The following CFAP74 variants were observed in gnomAD, a reference collection of about 807,000 sequenced individuals.
CFAP74 encodes cilia- and flagella-associated protein 74.
A neutral mutation model predicts 188.9 loss-of-function variants in CFAP74; 124 were observed. The ratio of observed to expected loss-of-function variants is 0.66; its 90% CI spans 0.57 to 0.76. CFAP74 has a LOEUF of 0.76. CFAP74 is among the 30% of genes least tolerant of loss of function. The pLI, the probability that CFAP74 is intolerant of heterozygous loss-of-function variation, is 0.00. For synonymous variants in CFAP74, 956 were observed against 916.7 expected, an observed-to-expected ratio of 1.04 and a Z score of -0.77; for missense variants, 2,198 against 2,165.2, an observed-to-expected ratio of 1.02 and a Z score of -0.30.
chr1:1,966,792 G>A lies in CFAP74; in HGVS notation c.1246-266C>T, dbSNP rs114835493. On this transcript the variant is annotated intron_variant, in intron 11 of 38. Coordinates refer to ENST00000682832, the MANE Select transcript of CFAP74 (RefSeq NM_001304360.2). ...TTGATAGGAAAATGTTCTAATTCAC[G>A]GACTGGCATCCTTGGCGCCGATCCT... Among the ~76,000 whole-genome samples the A allele has an allele frequency of 7.1e-3, 1,084 of 151,690 alleles. 7 individuals are homozygous for A. The highest frequency in any genetic ancestry group is 0.025 in the African/African-American group (1,033 of 41,316).
chr1:1,928,687 A>T, intron 27 of CFAP74, 97 bp downstream of exon 27: 1 of 839,458 alleles, frequency 1.2e-6, no homozygotes, highest in Admixed American at 2.3e-5. Flanking sequence ...TGCTCCCGGC[A>T]CGTGGCCGGA....
intron 6 of CFAP74, among the ~76,000 whole-genome samples, chr1:1,977,702 C>G (rs72894797): frequency 6.6e-6 from 1 of 152,182 alleles, no homozygotes; most frequent in Non-Finnish European, 1.5e-5. Context: ...CTCACCCACC[C>G]ACTGCAGGCG....
At chr1:1,995,382 C>T (rs538623504) in intron 1 of CFAP74, among the ~76,000 whole-genome samples, 3 of 151,734 alleles carry the variant, frequency 2.0e-5, no homozygotes, top group South Asian at 2.1e-4. Flanking sequence ...ATCCCAGCTA[C>T]TTAGGAGGCT....
rs750092290 is a variant in CFAP74, at chr1:1,955,561, C to A, written c.2176+130G>T. On this transcript the variant is annotated intron_variant, in intron 18 of 38. Coordinates refer to ENST00000682832, the MANE Select transcript of CFAP74 (RefSeq NM_001304360.2). ...TAAGAATATTTTCTTGCTTAACCGT[C>A]ACTTAACATCGAAGGCCTAGGAAAA... 6 of 1,611,602 alleles carry A rather than the reference C, an allele frequency of 3.7e-6. No individual in the cohort carries two copies. The African/African-American group carries it at 6.7e-5, about 18-fold the overall frequency.
chr1:1,925,271 CGAGGGCACACGCTGGTGCAAAGGCAT>C (rs1173848844), intron 33 of CFAP74, among the ~76,000 whole-genome samples: 1,432 of 115,612 alleles, frequency 0.012, 33 homozygotes, highest in African/African-American at 0.047. Context: ...CGCGAAGGCA[CGAGGGCACACGCTGGTGCAAAGGCAT>C]GAGGGCACAC....
intron 1 of CFAP74, among the ~76,000 whole-genome samples, chr1:1,993,905 C>T (rs1408093407): frequency 3.3e-5 from 5 of 150,838 alleles, no homozygotes; most frequent in Non-Finnish European, 7.4e-5. Flanking sequence ...TGGCGTGAAC[C>T]CGGGAGGCGG....
rs756597128 is a variant in CFAP74, at chr1:1,985,484, A to G, written c.402T>C (p.Ala134=). 8.7e-6 allele frequency: 14 copies of G among 1,613,482 alleles called. No homozygotes were observed. The highest frequency in any genetic ancestry group is 1.2e-5 in the Non-Finnish European group (14 of 1,179,892). The stretch of plus-strand genomic sequence containing the variant: ...TGGACACGGCCTGGAGGCGGCCCAC[A>G]GCGGCCCTGCAGTGGTGAACGGACA... The part of the protein sequence containing the change: ...ATEEEAGNMA[A]VGRLQAVSRR... Residue 134 remains alanine, a synonymous_variant, in exon 6 of 39, where the codon GCT becomes GCC. Transcript: ENST00000682832.
Position 1,926,658 on chromosome 1 carries a change from C to T in CFAP74, c.3766G>A (p.Ala1256Thr), listed in dbSNP as rs781247568. ...GKTIFNFGDV[A>T]VGHRSIKKIS... is the part of the protein sequence containing the mutation. The stretch of plus-strand genomic sequence containing the variant: ...GCGGGGCTTAGCGTCTCACCCACAG[C>T]GACGTCGCCGAAGTTAAAGATGGTC... Residue 1256 changes from alanine to threonine, a missense_variant, in exon 30 of 39, where the codon GCT becomes ACT. Physicochemically the swap from Ala to Thr is moderately conservative, Grantham distance 58. Coordinates refer to ENST00000682832, the MANE Select transcript of CFAP74 (RefSeq NM_001304360.2). 1.3e-4 allele frequency: 206 copies of T among 1,549,724 alleles called. No homozygotes were observed. The highest frequency in any genetic ancestry group is 1.6e-4 in the Non-Finnish European group (180 of 1,146,598).
Position 1,940,327 on chromosome 1 carries a change from C to T in CFAP74, c.2692G>A (p.Val898Ile). 2 of 1,535,806 alleles carry T rather than the reference C, an allele frequency of 1.3e-6. No individual in the cohort carries two copies. The highest frequency in any genetic ancestry group is 1.2e-5 in the South Asian group (1 of 84,048). Residue 898 changes from valine (V) to isoleucine (I), a missense_variant, in exon 23 of 39, where the codon GTT becomes ATT. Coordinates refer to ENST00000682832, the MANE Select transcript of CFAP74 (RefSeq NM_001304360.2). ...RVLEAPMTIW[V>I]ADQNKPVGFT... ...GCCCCAACACAGACCTGGTCGGCAA[C>T]CCATATGGTCATCGGGGCCTCCAGG...
chr1:1,938,939 T>C lies in CFAP74; in HGVS notation c.2927A>G (p.Glu976Gly). ...NDGFGTILPL[E>G]TLQFCVIFQP... ...GAAGATCACACAGAACTGCAGCGTT[T>C]CCAGGGGCAGGATCGTCCCAAACCC... Residue 976 changes from glutamate to glycine, a missense_variant, in exon 25 of 39, where the codon GAA becomes GGA. Transcript: ENST00000682832. 6.5e-7 allele frequency: 1 copy of C among 1,536,158 alleles called. No homozygotes were observed. The highest frequency in any genetic ancestry group is 1.2e-5 in the South Asian group (1 of 84,064).
In CFAP74 at chr1:1,971,121, T is replaced by TG. The variant is rs1558042387; in HGVS notation, c.889-306_889-305insC. Reference sequence around the variant, plus strand: ...CCTGCACACGTGTGCACACACATGCTCACACGTGCACACACATGCTCGCAC... The same window carrying TG: ...CCTGCACACGTGTGCACACACATGCTGCACACGTGCACACACATGCTCGCAC... On this transcript the variant is annotated intron_variant, in intron 9 of 38. Coordinates refer to ENST00000682832, the MANE Select transcript of CFAP74 (RefSeq NM_001304360.2). Among the ~76,000 whole-genome samples the TG allele has an allele frequency of 7.1e-4, 88 of 123,310 alleles. 1 individual carries two copies. Among genetic ancestry groups the TG allele is most frequent in the African/African-American group, 2.4e-3 (75 of 30,796 alleles). The allele number at this position is 123,310 out of a possible 152,430, so 80.9% of individuals were successfully genotyped here. A position where few individuals can be genotyped will look rare whatever the true frequency, so the allele number is the denominator to read the frequency against.
chr1:1,977,267 C>T (rs527753474), intron 6 of CFAP74, among the ~76,000 whole-genome samples: 1 of 152,308 alleles, frequency 6.6e-6, no homozygotes, highest in South Asian at 2.1e-4. Context: ...CAGACCACAG[C>T]AGAGGCTGAT....
rs59139552 is a variant in CFAP74, at chr1:1,943,520, C to T, written c.2486+811G>A. ...CTTGGTGCTGGTGGCACAGGGGCTC[C>T]GTCATGGAAACCCCGCAGGCCCAGC... On this transcript the variant is annotated intron_variant, in intron 21 of 38. Coordinates refer to ENST00000682832, the MANE Select transcript of CFAP74 (RefSeq NM_001304360.2). 7.9e-3 allele frequency among the ~76,000 whole-genome samples: 1,208 copies of T among 152,342 alleles called. 20 individuals are homozygous for T. Among genetic ancestry groups the T allele is most frequent in the African/African-American group, 0.027 (1,142 of 41,572 alleles).
rs181288924 is a variant in CFAP74, at chr1:1,975,362, T to G, written c.501-1164A>C. ...CAAGGATTTCTAACGTTGAGCCTTTTTCGGGGCTCCTAGGATATAAACTCC... is the reference window on the plus strand; with the variant it reads ...CAAGGATTTCTAACGTTGAGCCTTTGTCGGGGCTCCTAGGATATAAACTCC... On this transcript the variant is annotated intron_variant, in intron 6 of 38. Transcript: ENST00000682832. The surrounding 1 kb of genome is among the most constrained non-coding windows in gnomAD (Gnocchi z 4.5). Among the ~76,000 whole-genome samples the G allele has an allele frequency of 6.6e-6, 1 of 152,218 alleles. No homozygotes were observed.
chr1:1,965,756 A>G (rs1655424096), intron 12 of CFAP74, among the ~76,000 whole-genome samples: 1 of 152,008 alleles, frequency 6.6e-6, no homozygotes, highest in African/African-American at 2.4e-5. Context: ...TGTCTTGTTC[A>G]CCACCCTGGT....
intron 25 of CFAP74, among the ~76,000 whole-genome samples, chr1:1,934,907 ACG>A (rs1491240531): frequency 1.6e-4 from 21 of 130,976 alleles, no homozygotes; most frequent in African/African-American, 6.3e-4. Context: ...ACACGTGTGT[ACG>A]TGGGTGTTAG....
At chr1:1,959,910 G>T in intron 15 of CFAP74, 54 bp downstream of exon 15, 1 of 1,477,070 alleles carries the variant, frequency 6.8e-7, no homozygotes, top group Non-Finnish European at 9.1e-7. Context: ...CCCGATCACA[G>T]GCTCCACCCA....
In CFAP74 at chr1:1,990,912, G is replaced by C; in HGVS notation, c.45C>G (p.Ala15=). Reference sequence around the variant, plus strand: ...TACCATCTTCCAAAAGAAGGGCATCGGCCAAAAGCTCGTCCTCAGGGAGCA... The same window carrying C: ...TACCATCTTCCAAAAGAAGGGCATCCGCCAAAAGCTCGTCCTCAGGGAGCA... ...GSLLPEDELL[A]DALLLEDERD... Residue 15 remains alanine (A), a synonymous_variant, in exon 2 of 39, where the codon GCC becomes GCG. Coordinates refer to ENST00000682832, the MANE Select transcript of CFAP74 (RefSeq NM_001304360.2). 8 of 1,612,684 alleles carry C rather than the reference G, an allele frequency of 5.0e-6. No homozygotes were observed. The highest frequency in any genetic ancestry group is 6.8e-6 in the Non-Finnish European group (8 of 1,179,664).
chr1:1,985,223 T>TA, intron 6 of CFAP74, 163 bp downstream of exon 6: 1 of 589,610 alleles, frequency 1.7e-6, no homozygotes. Flanking sequence ...ACGTGAAGAC[T>TA]AACCCTTCCA....
Sources: gnomAD v4.1 joint callset for allele counts (sites outside exome capture counted in the v4.1 genomes callset) on GRCh38, gnomAD v4.1.1 for gene constraint, Gnocchi (gnomAD v3.1) non-coding constraint, MANE v1.5 for transcripts, NCBI Gene and HGNC (gene_info 2026-07-23, HGNC 2026-07-21) for gene names.